CAST: variants seen among roughly 807,000 people sequenced by gnomAD.
CAST encodes MIR583 host.
Under a neutral mutation model 119.6 loss-of-function variants are expected in CAST, and 76 were observed. That is an observed-to-expected ratio of 0.64 (90% CI 0.53 to 0.77). CAST has a LOEUF of 0.77. Among genes scored for constraint, CAST ranks in the 30% least tolerant of loss-of-function variants. The pLI, the probability that CAST is intolerant of heterozygous loss-of-function variation, is 0.00. For missense variants in CAST, 953 were observed against 946.5 expected, an observed-to-expected ratio of 1.01 and a Z score of -0.09; for synonymous variants, 319 against 331.6, an observed-to-expected ratio of 0.96 and a Z score of 0.41.
At chr5:96,346,252 T>A in the CAST span, among the ~76,000 whole-genome samples, 8 of 152,216 alleles carry the variant, frequency 5.3e-5, no homozygotes, top group African/African-American at 1.9e-4. Context: ...ATGGCAGTAC[T>A]ATTCACTTAT....
the CAST span, among the ~76,000 whole-genome samples, chr5:96,357,640 T>A: frequency 6.6e-6 from 1 of 151,336 alleles, no homozygotes; most frequent in Non-Finnish European, 1.5e-5. Flanking sequence ...CATGTATTGA[T>A]TTGCGTATGT....
At chr5:96,255,032 T>G in the CAST span, among the ~76,000 whole-genome samples, 6 of 152,148 alleles carry the variant, frequency 3.9e-5, no homozygotes, top group Non-Finnish European at 7.4e-5. Context: ...TAGCTTATGT[T>G]GCAAGCATCA....
At chr5:96,694,744 C>A (rs979924900) in intron 2 of CAST, among the ~76,000 whole-genome samples, 2 of 152,152 alleles carry the variant, frequency 1.3e-5, no homozygotes, top group Non-Finnish European at 2.9e-5. Context: ...GTTGAGGAAG[C>A]AACTGTGTAT....
At chr5:96,236,121 C>T in the CAST span, among the ~76,000 whole-genome samples, 1 of 100,440 alleles carries the variant, frequency 1.0e-5, no homozygotes, top group Non-Finnish European at 2.7e-5. Flanking sequence ...GTCTATCTAT[C>T]TATCTCTCTA....
chr5:95,978,045 A>G, the CAST span, among the ~76,000 whole-genome samples: 1 of 151,130 alleles, frequency 6.6e-6, no homozygotes, highest in African/African-American at 2.5e-5. Flanking sequence ...TATCCAGTCT[A>G]CCACTGATGG....
chr5:96,119,002 A>G, the CAST span, among the ~76,000 whole-genome samples: 87 of 152,182 alleles, frequency 5.7e-4, 1 homozygote, highest in East Asian at 0.017. Context: ...CCGTATCTTC[A>G]TTGGAAAATG....
intron 9 of CAST, among the ~76,000 whole-genome samples, chr5:96,732,427 C>G (rs1251032387): frequency 2.4e-5 from 3 of 125,318 alleles, no homozygotes; most frequent in Non-Finnish European, 5.0e-5. Flanking sequence ...GAGTAGGTTG[C>G]GAAAATTTTC....
At chr5:96,393,664 GT>G in the CAST span, among the ~76,000 whole-genome samples, 3 of 152,180 alleles carry the variant, frequency 2.0e-5, no homozygotes, top group African/African-American at 7.2e-5. Context: ...GACTGTATAG[GT>G]AAGTACTCAG....
chr5:96,620,355 A>T (rs1356180486), intron 1 of CAST, among the ~76,000 whole-genome samples: 1 of 150,964 alleles, frequency 6.6e-6, no homozygotes, highest in Non-Finnish European at 1.5e-5. Context: ...TAAAAGTGAT[A>T]CACATTCAGT....
At chr5:96,040,087 C>T in the CAST span, among the ~76,000 whole-genome samples, 7 of 152,160 alleles carry the variant, frequency 4.6e-5, no homozygotes, top group Non-Finnish European at 4.4e-5. Context: ...AGATCCTTCA[C>T]ATCCCTTGTA....
At chr5:96,562,187 GCACA>G (rs3064111) in intron 1 of CAST, among the ~76,000 whole-genome samples, 1 of 149,616 alleles carries the variant, frequency 6.7e-6, no homozygotes, top group Non-Finnish European at 1.5e-5. Context: ...AACTTTTCAT[GCACA>G]CACACACACA....
the CAST span, among the ~76,000 whole-genome samples, chr5:96,293,341 C>A: frequency 2.8e-4 from 42 of 152,320 alleles, no homozygotes; most frequent in African/African-American, 9.4e-4. Flanking sequence ...TGCAGTGGCA[C>A]GATCTCAGCT....
At chr5:96,617,026 G>A (rs973583620) in intron 1 of CAST, among the ~76,000 whole-genome samples, 8 of 152,196 alleles carry the variant, frequency 5.3e-5, no homozygotes, top group Non-Finnish European at 7.4e-5. Context: ...TTAATCCGTT[G>A]ACACATCAAG....
the CAST span, among the ~76,000 whole-genome samples, chr5:96,070,099 A>T: frequency 1.4e-4 from 21 of 152,154 alleles, no homozygotes; most frequent in Non-Finnish European, 3.1e-4. Context: ...CCTTTATTCT[A>T]TTAAAGCCCT....
the CAST span, among the ~76,000 whole-genome samples, chr5:96,430,004 A>C: frequency 6.6e-6 from 1 of 152,358 alleles, no homozygotes; most frequent in Middle Eastern, 3.4e-3. Flanking sequence ...CTGGGATACT[A>C]TCTATGGTCA....
At chr5:96,566,165 G>T (rs995768716) in intron 1 of CAST, among the ~76,000 whole-genome samples, 1 of 152,162 alleles carries the variant, frequency 6.6e-6, no homozygotes, top group Non-Finnish European at 1.5e-5. Context: ...AGAGAGAAAA[G>T]GTTCTGACCT....
the CAST span, among the ~76,000 whole-genome samples, chr5:96,150,818 C>A: frequency 6.6e-6 from 1 of 152,152 alleles, no homozygotes; most frequent in East Asian, 1.9e-4. Context: ...GGGGCAGGGC[C>A]TCTGAAAACC....
the CAST span, among the ~76,000 whole-genome samples, chr5:96,035,262 A>G: frequency 1.3e-5 from 2 of 149,280 alleles, no homozygotes; most frequent in Admixed American, 1.3e-4. Flanking sequence ...CAGTAAATAC[A>G]TACAGTTTTT....
chr5:96,768,313 G>A lies in CAST; in HGVS notation c.2268+314G>A, dbSNP rs184414514. On this transcript the variant is annotated intron_variant, in intron 29 of 31. Coordinates refer to ENST00000675179, the MANE Select transcript of CAST (RefSeq NM_001750.7). ...TTGCCAGGCTGGTCTCGAGCTCTTGGGCTCAAGTGATCTGCCAACCTCTAC... is the reference window on the plus strand; with the variant it reads ...TTGCCAGGCTGGTCTCGAGCTCTTGAGCTCAAGTGATCTGCCAACCTCTAC... 6 of 413,152 alleles carry A rather than the reference G, an allele frequency of 1.5e-5. No homozygotes were observed. The Admixed American group carries it at 1.8e-4, about 12-fold the overall frequency. The allele number at this position is 413,152 out of a possible 1,614,324, so 25.6% of individuals were successfully genotyped here.
Sources: allele counts gnomAD v4.1 joint callset (sites outside exome capture counted in the v4.1 genomes callset), GRCh38; gene constraint gnomAD v4.1.1; transcripts MANE v1.5; gene names NCBI Gene and HGNC (gene_info 2026-07-23, HGNC 2026-07-21).